The following GALNTL6 variants were observed in gnomAD, a reference collection of about 807,000 sequenced individuals.
GALNTL6 encodes polypeptide N-acetylgalactosaminyltransferase like 6.
Under a neutral mutation model 73.7 loss-of-function variants are expected in GALNTL6, and 46 were observed. The ratio of observed to expected loss-of-function variants is 0.62; its 90% confidence interval spans 0.49 to 0.80. The LOEUF is 0.80. Ranked by LOEUF, GALNTL6 falls within the 30% of genes least tolerant of loss-of-function variation. GALNTL6 has a pLI of 0.00. For synonymous variants in GALNTL6, 259 were observed against 263.7 expected (o/e 0.98, Z 0.17); for missense variants, 604 against 755.0 (o/e 0.80, Z 2.34).
At chr4:172,371,883 A>G (rs1742826543) in intron 5 of GALNTL6, among the ~76,000 whole-genome samples, 1 of 152,194 alleles carries the variant, frequency 6.6e-6, no homozygotes, top group Non-Finnish European at 1.5e-5. Flanking sequence ...CAATAACTCC[A>G]TAATTTCCTT....
At chr4:172,429,706 T>A (rs921481056) in intron 5 of GALNTL6, among the ~76,000 whole-genome samples, 1 of 152,122 alleles carries the variant, frequency 6.6e-6, no homozygotes, top group African/African-American at 2.4e-5. Flanking sequence ...GGCTTTCACC[T>A]TAGTCTTACT....
At chr4:172,724,103 TC>T (rs1297178556) in intron 5 of GALNTL6, among the ~76,000 whole-genome samples, 1 of 152,112 alleles carries the variant, frequency 6.6e-6, no homozygotes, top group Non-Finnish European at 1.5e-5. Context: ...GTGATATCTT[TC>T]CAAAAGAGTG....
intron 2 of GALNTL6, among the ~76,000 whole-genome samples, chr4:171,915,046 G>C (rs545845889): frequency 6.6e-6 from 1 of 152,132 alleles, no homozygotes; most frequent in South Asian, 2.1e-4. Flanking sequence ...AATATGGACA[G>C]GATATCGATA....
At chr4:172,700,049 A>G (rs1055952124) in intron 5 of GALNTL6, among the ~76,000 whole-genome samples, 1 of 152,192 alleles carries the variant, frequency 6.6e-6, no homozygotes, top group African/African-American at 2.4e-5. Context: ...TTTATCAAAA[A>G]TTAGAGAAAT....
At chr4:171,956,007 T>TGGG (rs1420212957) in intron 2 of GALNTL6, among the ~76,000 whole-genome samples, 1 of 116,700 alleles carries the variant, frequency 8.6e-6, no homozygotes, top group Non-Finnish European at 1.8e-5. Context: ...TTTGTGTGTG[T>TGGG]GTGTGTGGGA....
intron 2 of GALNTL6, among the ~76,000 whole-genome samples, chr4:171,824,606 T>C (rs575829046): frequency 6.6e-6 from 1 of 152,192 alleles, no homozygotes; most frequent in South Asian, 2.1e-4. Context: ...AAAAGCATGT[T>C]CCTATTATTA....
intron 5 of GALNTL6, among the ~76,000 whole-genome samples, chr4:172,453,670 G>A (rs1006298245): frequency 2.6e-5 from 4 of 152,206 alleles, no homozygotes; most frequent in Non-Finnish European, 5.9e-5. Flanking sequence ...ATTAAAATAC[G>A]AAAAGTTCCC....
chr4:172,587,195 T>C (rs1737445753), intron 5 of GALNTL6, among the ~76,000 whole-genome samples: 1 of 152,148 alleles, frequency 6.6e-6, no homozygotes, highest in Non-Finnish European at 1.5e-5. Flanking sequence ...CTAACAGATA[T>C]GAAGGAAACC....
Position 172,758,313 on chromosome 4 carries a change from T to C in GALNTL6, c.554-51048T>C, listed in dbSNP as rs572552902. On this transcript the variant is annotated intron_variant, in intron 5 of 12. Coordinates refer to ENST00000506823, the MANE Select transcript of GALNTL6 (RefSeq NM_001034845.3). ...ATTTTGAGAGGCCAAGGCAGGTGGA[T>C]CACCTGAGGTCAGGAGTTGGAGACT... Among the ~76,000 whole-genome samples the C allele has an allele frequency of 1.4e-4, 22 of 152,288 alleles. 1 individual carries two copies. In the East Asian group the frequency reaches 3.7e-3, roughly 25 times the overall value.
intron 2 of GALNTL6, among the ~76,000 whole-genome samples, chr4:171,919,727 T>C (rs1309541582): frequency 6.6e-6 from 1 of 152,152 alleles, no homozygotes; most frequent in Non-Finnish European, 1.5e-5. Flanking sequence ...GTTATTACTC[T>C]TGGTAGGGCG....
intron 2 of GALNTL6, among the ~76,000 whole-genome samples, chr4:172,139,899 A>T (rs894040202): frequency 6.6e-6 from 1 of 152,140 alleles, no homozygotes; most frequent in Non-Finnish European, 1.5e-5. Context: ...TACTGTGTTA[A>T]TACCAAAAAA....
intron 2 of GALNTL6, among the ~76,000 whole-genome samples, chr4:172,000,006 A>G (rs1044231685): frequency 6.6e-6 from 1 of 152,114 alleles, no homozygotes; most frequent in Non-Finnish European, 1.5e-5. Flanking sequence ...TCTTTTGGAG[A>G]ATTATTCAAA....
chr4:172,006,231 A>T (rs1740836660), intron 2 of GALNTL6, among the ~76,000 whole-genome samples: 1 of 152,152 alleles, frequency 6.6e-6, no homozygotes, highest in Admixed American at 6.6e-5. Flanking sequence ...TCTGCCATGG[A>T]CTGTGGAAGC....
chr4:172,365,670 TCG>T, intron 5 of GALNTL6, among the ~76,000 whole-genome samples: 1 of 151,692 alleles, frequency 6.6e-6, no homozygotes, highest in East Asian at 1.9e-4. Context: ...TCTTATAAAT[TCG>T]TGAGTTTATC....
chr4:172,350,417 A>T (rs1412303557), intron 5 of GALNTL6, among the ~76,000 whole-genome samples: 1 of 152,156 alleles, frequency 6.6e-6, no homozygotes, highest in South Asian at 2.1e-4. Context: ...TACAGTAGCA[A>T]CTTTGGTGGA....
intron 5 of GALNTL6, among the ~76,000 whole-genome samples, chr4:172,592,898 A>G (rs1158273784): frequency 6.6e-6 from 1 of 152,144 alleles, no homozygotes; most frequent in Non-Finnish European, 1.5e-5. Flanking sequence ...CCATATAATA[A>G]ATGAATGACA....
At chr4:172,540,953 G>T (rs1735529998) in intron 5 of GALNTL6, among the ~76,000 whole-genome samples, 1 of 152,164 alleles carries the variant, frequency 6.6e-6, no homozygotes, top group South Asian at 2.1e-4. Context: ...TCTAGGAAAG[G>T]CCTAGAAACG....
At chr4:172,856,536 C>T (rs578232889) in intron 7 of GALNTL6, among the ~76,000 whole-genome samples, 9 of 152,148 alleles carry the variant, frequency 5.9e-5, no homozygotes, top group Non-Finnish European at 1.2e-4. Context: ...CATAATTGCA[C>T]GGCAGGACCA....
At position 172,007,942 on chromosome 4, in the gene GALNTL6, G is replaced by C. The variant is rs140704642; in HGVS notation, c.138+193224G>C. Among the ~76,000 whole-genome samples the C allele has an allele frequency of 9.4e-3, 1,422 of 151,978 alleles. 13 individuals carry two copies. Among genetic ancestry groups the C allele is most frequent in the East Asian group, 0.037 (193 of 5,158 alleles). On this transcript the variant is annotated intron_variant, in intron 2 of 12. Coordinates refer to ENST00000506823, the MANE Select transcript of GALNTL6 (RefSeq NM_001034845.3). Reference sequence around the variant, plus strand: ...TTTTCAAATACTAGTGCTTTGGACTGCTGCCATTTCCTTACACCTGAACTG... The same window carrying C: ...TTTTCAAATACTAGTGCTTTGGACTCCTGCCATTTCCTTACACCTGAACTG...
Sources: allele counts gnomAD v4.1 joint callset (sites outside exome capture counted in the v4.1 genomes callset), GRCh38; gene constraint gnomAD v4.1.1; transcripts MANE v1.5; gene names NCBI Gene and HGNC (gene_info 2026-07-23, HGNC 2026-07-21).